Variants in LHX3 observed in about 807,000 individuals in gnomAD.
LHX3 encodes LIM/homeobox protein Lhx3.
Under a neutral mutation model 32.4 loss-of-function variants are expected in LHX3, and 21 were observed. The ratio of observed to expected loss-of-function variants is 0.65; its 90% CI spans 0.46 to 0.93. The LOEUF (loss-of-function observed/expected upper bound fraction) is 0.93, where lower values mean the gene tolerates loss of function less well. LHX3 is among the 40% of genes least tolerant of loss of function. LHX3 has a pLI of 0.00. For synonymous variants in LHX3, 258 were observed against 246.8 expected (o/e 1.05, Z -0.43); for missense variants, 626 against 560.0 (o/e 1.12, Z -1.19).
chr9:136,198,955 G>A lies in LHX3; in HGVS notation c.559C>T (p.Arg187Cys). ...NTSPKPARHV[R>C]EQLSSETGLD... ...CCCGTCTCGGACGAGAGCTGCTCGC[G>A]CACGTGGCGCGCCGGCTTGGGCGAG... Residue 187 changes from arginine (R) to cysteine (C), a missense_variant, in exon 4 of 6, where the codon CGC (arginine) becomes TGC (cysteine). By Grantham distance (180) the Arg-to-Cys change is radical (BLOSUM62 -3). Coordinates refer to ENST00000371748, the MANE Select transcript of LHX3 (RefSeq NM_178138.6). 6.3e-7 allele frequency: 1 copy of A among 1,588,002 alleles called. No homozygotes were observed. The highest frequency in any genetic ancestry group is 8.5e-7 in the Non-Finnish European group (1 of 1,171,398).
At chr9:136,201,957 G>A (rs1003747546) in intron 1 of LHX3, among the ~76,000 whole-genome samples, 7 of 151,890 alleles carry the variant, frequency 4.6e-5, no homozygotes, top group African/African-American at 1.7e-4. Flanking sequence ...CTCGCCGCCG[G>A]CGCCCGCGTC....
At chr9:136,200,483 G>A (rs1247107655) in intron 2 of LHX3, 99 bp downstream of exon 2, 7 of 1,331,142 alleles carry the variant, frequency 5.3e-6, no homozygotes, top group South Asian at 2.5e-5. Context: ...TGCGAGAGAC[G>A]CAGGCTTCGA....
intron 2 of LHX3, 21 bp from the exon 3 acceptor site, chr9:136,199,901 G>A: frequency 6.4e-7 from 1 of 1,563,558 alleles, no homozygotes; most frequent in Non-Finnish European, 8.7e-7. Flanking sequence ...CACAGGGCCG[G>A]GCTCAGCGCG....
Position 136,198,836 on chromosome 9 carries a change from G to C in LHX3, c.607-16C>G, listed in dbSNP as rs200569650. ...GGAACCAAACCTGGGGGCGGGGCGG[G>C]GTGAGCGGCCGCCCGGCTCTGCGGG... On this transcript the variant is annotated splice_polypyrimidine_tract_variant and intron_variant, in intron 4 of 5. Coordinates refer to ENST00000371748, the MANE Select transcript of LHX3 (RefSeq NM_178138.6). 627 of 1,601,716 alleles carry C rather than the reference G, an allele frequency of 3.9e-4. 6 individuals carry two copies. In the East Asian group the frequency reaches 9.4e-3, roughly 24 times the overall value.
In LHX3 at chr9:136,198,686, C is replaced by A. The variant is rs774971975; in HGVS notation, c.741G>T (p.Glu247Asp). The A allele has an allele frequency of 6.2e-7, 1 of 1,610,138 alleles. No individual in the cohort carries two copies. The highest frequency in any genetic ancestry group is 1.3e-5 in the African/African-American group (1 of 75,022). ...AGACCTCAGCGTCGCTGTCCTGCCCCTCCTGAACGCTGTCCTTGTCCGACT... is the reference window on the plus strand; with the variant it reads ...AGACCTCAGCGTCGCTGTCCTGCCCATCCTGAACGCTGTCCTTGTCCGACT... ...GSKSDKDSVQ[E>D]GQDSDAEVSF... The change falls in exon 5 of 6, where the codon GAG (glutamate) becomes GAT (aspartate). Residue 247 changes from glutamate to aspartate, a missense_variant. Physicochemically the swap from Glu to Asp is conservative, Grantham distance 45. Transcript: ENST00000371748.
intron 2 of LHX3, chr9:136,200,341 T>C (rs1831609681): frequency 5.1e-6 from 3 of 588,254 alleles, no homozygotes; most frequent in Admixed American, 6.0e-5. Context: ...ATAAATTGCT[T>C]TTTTTTCCAA....
chr9:136,196,691 A>C lies in LHX3; in HGVS notation c.*634T>G, dbSNP rs1831497529. The C allele has an allele frequency of 6.5e-6, 1 of 153,004 alleles. No individual in the cohort carries two copies. Among genetic ancestry groups the C allele is most frequent in the African/African-American group, 2.4e-5 (1 of 41,460 alleles). 9.5% of individuals were successfully genotyped at this position (153,004 alleles called of 1,614,324 possible). On this transcript the variant is annotated 3_prime_UTR_variant, in exon 6 of 6. Coordinates refer to ENST00000371748, the MANE Select transcript of LHX3 (RefSeq NM_178138.6). The stretch of plus-strand genomic sequence containing the variant: ...CAGGCATTTTTGCCTCCTCCACAGG[A>C]TACTCGAGAACAGAATGATCTAGAG...
intron 5 of LHX3, 124 bp from the exon 6 acceptor site, chr9:136,197,867 G>T: frequency 3.0e-6 from 3 of 1,001,664 alleles, no homozygotes; most frequent in Non-Finnish European, 4.5e-6. Flanking sequence ...CACATGACAG[G>T]TCATAACAGG....
intron 2 of LHX3, chr9:136,200,183 C>G (rs1448586344): frequency 1.8e-6 from 1 of 566,668 alleles, no homozygotes; most frequent in Admixed American, 3.1e-5. Context: ...TCACACCCCA[C>G]AGCTGGAGCC....
intron 3 of LHX3, among the ~76,000 whole-genome samples, chr9:136,199,276 T>C (rs2131033695): frequency 6.6e-6 from 1 of 151,838 alleles, no homozygotes; most frequent in South Asian, 2.1e-4. Flanking sequence ...GGGCGGGTTC[T>C]GCCGCGGGGG....
In LHX3 at chr9:136,201,453, G is replaced by T. The variant is rs933617558; in HGVS notation, c.80-700C>A. 12 of 1,219,160 alleles carry T rather than the reference G, an allele frequency of 9.8e-6. No homozygotes were observed. In the Admixed American group the frequency reaches 4.1e-4, roughly 42 times the overall value. 75.5% of individuals were successfully genotyped at this position (1,219,160 alleles called of 1,614,324 possible). ...GCCCCCCACACCCCACTTCGGTACT[G>T]CAGGCCCCCTGGAGGAACCACACTG... On this transcript the variant is annotated intron_variant, in intron 1 of 5. Transcript: ENST00000371748.
chr9:136,197,589 A>G lies in LHX3; in HGVS notation c.930T>C (p.Arg310=), dbSNP rs1259073676. The G allele has an allele frequency of 3.9e-6, 6 of 1,540,192 alleles. No homozygotes were observed. In the East Asian group the frequency reaches 1.5e-4, roughly 38 times the overall value. Residue 310 remains arginine (R), a synonymous_variant, in exon 6 of 6, where the codon CGT becomes CGC. Coordinates refer to ENST00000371748, the MANE Select transcript of LHX3 (RefSeq NM_178138.6). ...LAGPEQYREL[R]PGSPYGVPPS... Reference sequence around the variant, plus strand: ...GGGGGACACCGTAGGGGCTGCCGGGACGCAGCTCTCGGTACTGCTCTGGGC... The same window carrying G: ...GGGGGACACCGTAGGGGCTGCCGGGGCGCAGCTCTCGGTACTGCTCTGGGC...
At chr9:136,204,799 G>T in intron 1 of LHX3, 135 bp downstream of exon 1, 1 of 743,396 alleles carries the variant, frequency 1.3e-6, no homozygotes. Context: ...CTCACTCTCT[G>T]CAGTTTCCAT....
intron 1 of LHX3, among the ~76,000 whole-genome samples, chr9:136,203,682 G>A (rs77624255): frequency 0.019 from 2,922 of 152,316 alleles, 97 homozygotes; most frequent in African/African-American, 0.066. Context: ...GCCCCGGACG[G>A]CTCAGGGAGG....
Position 136,197,686 on chromosome 9 carries a change from TC to T in LHX3, c.832del (p.Glu278AsnfsTer81), listed in dbSNP as rs1831530007. ...GGGCCGGCCCAAGGCCTGGGTGGGT[TC>T]CCCCAAGCTCCCGTAGAGGCCATTG... is the stretch of plus-strand genomic sequence containing the variant. ...PANGLYGSLG[E>X]PTQALGRPSG... On this transcript the variant is annotated frameshift_variant, in exon 6 of 6. Coordinates refer to ENST00000371748, the MANE Select transcript of LHX3 (RefSeq NM_178138.6). LOFTEE classifies it low-confidence loss of function (END_TRUNC). The T allele has an allele frequency of 1.9e-6, 3 of 1,606,512 alleles. No individual in the cohort carries two copies. Among genetic ancestry groups the T allele is most frequent in the Middle Eastern group, 1.6e-4 (1 of 6,062 alleles).
At chr9:136,201,856 G>T (rs1473326922) in intron 1 of LHX3, among the ~76,000 whole-genome samples, 1 of 152,216 alleles carries the variant, frequency 6.6e-6, no homozygotes, top group Non-Finnish European at 1.5e-5. Flanking sequence ...GGCAGCGATC[G>T]CAGGCGAGGA....
At chr9:136,203,075 C>T (rs1033652249) in intron 1 of LHX3, 3 of 1,502,026 alleles carry the variant, frequency 2.0e-6, no homozygotes, top group Non-Finnish European at 2.6e-6. Context: ...TCTCCAGTCC[C>T]GAACTTTCCC....
At chr9:136,198,333 C>A (rs940286059) in intron 5 of LHX3, among the ~76,000 whole-genome samples, 7 of 152,222 alleles carry the variant, frequency 4.6e-5, no homozygotes, top group Admixed American at 4.6e-4. Context: ...TCCTAAAAAT[C>A]ACTGCAAGGG....
At chr9:136,202,943 C>T (rs1831680271) in intron 1 of LHX3, 1 of 1,532,374 alleles carries the variant, frequency 6.5e-7, no homozygotes, top group Middle Eastern at 2.0e-4. Context: ...CCCGGGCACC[C>T]ACCTCGGCGC....
Sources: gnomAD v4.1 joint callset for allele counts (sites outside exome capture counted in the v4.1 genomes callset) on GRCh38, gnomAD v4.1.1 for gene constraint, MANE v1.5 for transcripts, NCBI Gene and HGNC (gene_info 2026-07-23, HGNC 2026-07-21) for gene names.